The following TSHZ1 variants were observed in gnomAD, a reference collection of about 807,000 sequenced individuals.
The protein encoded by TSHZ1 is teashirt homolog 1.
Under a neutral mutation model 67.1 loss-of-function variants are expected in TSHZ1, and 12 were observed. That is an observed-to-expected ratio of 0.18 (90% CI 0.11 to 0.29). TSHZ1 has a LOEUF of 0.29. TSHZ1 is among the 10% of genes least tolerant of loss of function. TSHZ1 has a pLI of 1.00. For missense variants in TSHZ1, 1,305 were observed against 1,413.9 expected, an observed-to-expected ratio of 0.92 and a Z score of 1.23; for synonymous variants, 632 against 622.4, an observed-to-expected ratio of 1.02 and a Z score of -0.23.
At chr18:75,224,735 G>A (rs2022898254) in intron 1 of TSHZ1, among the ~76,000 whole-genome samples, 2 of 152,102 alleles carry the variant, frequency 1.3e-5, no homozygotes, top group South Asian at 4.1e-4. Context: ...CTTGCACACA[G>A]TATAGGATAC....
At chr18:75,273,907 C>T (rs1026954316) in intron 1 of TSHZ1, among the ~76,000 whole-genome samples, 3 of 152,144 alleles carry the variant, frequency 2.0e-5, no homozygotes, top group South Asian at 2.1e-4. Flanking sequence ...TTATTCACAC[C>T]CATGCACATA....
intron 1 of TSHZ1, among the ~76,000 whole-genome samples, chr18:75,218,813 C>G (rs532811293): frequency 1.1e-4 from 17 of 152,360 alleles, no homozygotes; most frequent in Non-Finnish European, 2.1e-4. Flanking sequence ...TTGGAACTTT[C>G]TTAGGGATGA....
chr18:75,276,489 C>G (rs947817109), intron 1 of TSHZ1, among the ~76,000 whole-genome samples: 16 of 152,144 alleles, frequency 1.1e-4, no homozygotes, highest in Non-Finnish European at 2.1e-4. Context: ...CCAGCGTATT[C>G]TAACTTTCAT....
At chr18:75,218,322 A>G (rs1379758797) in intron 1 of TSHZ1, among the ~76,000 whole-genome samples, 1 of 152,218 alleles carries the variant, frequency 6.6e-6, no homozygotes, top group Non-Finnish European at 1.5e-5. Flanking sequence ...CGTGTGAAAG[A>G]AATAACACTT....
Position 75,233,886 on chromosome 18 carries a change from T to C in TSHZ1, c.40+21970T>C, listed in dbSNP as rs1026384599. On this transcript the variant is annotated intron_variant, in intron 1 of 1. Transcript: ENST00000580243. ...CGGTTCACTGGGTGGGAAGACTGTC[T>C]TTATGCAGTGGTTTGGGAGGATTAA... 5.9e-5 allele frequency among the ~76,000 whole-genome samples: 9 copies of C among 152,188 alleles called. No individual in the cohort carries two copies. In the South Asian group the frequency reaches 6.2e-4, roughly 10 times the overall value.
chr18:75,244,004 T>C (rs532916069), intron 1 of TSHZ1, among the ~76,000 whole-genome samples: 1 of 152,292 alleles, frequency 6.6e-6, no homozygotes, highest in Non-Finnish European at 1.5e-5. Context: ...TTCTAATACA[T>C]AAAGCAATAT....
intron 1 of TSHZ1, among the ~76,000 whole-genome samples, chr18:75,256,166 CTTCT>C (rs1441630206): frequency 6.6e-6 from 1 of 152,170 alleles, no homozygotes; most frequent in Non-Finnish European, 1.5e-5. Context: ...AGGAGTATGA[CTTCT>C]TTAAGATGAA....
chr18:75,286,283 C>G lies in TSHZ1; in HGVS notation c.876C>G (p.Arg292=), dbSNP rs1309048119. ...AGAGGTGGTCCAAGCCCAGGAAGCG[C>G]TCCCTGATGGAGATGGAGGGGAAGG... ...KTKRWSKPRK[R]SLMEMEGKED... The change falls in exon 2 of 2, where the codon CGC becomes CGG. Residue 292 remains arginine, a synonymous_variant. Transcript: ENST00000580243. The surrounding 1 kb of genome is among the most constrained non-coding windows in gnomAD (Gnocchi z 5.1). The G allele has an allele frequency of 3.1e-6, 5 of 1,612,946 alleles. No homozygotes were observed. Among genetic ancestry groups the G allele is most frequent in the Non-Finnish European group, 4.2e-6 (5 of 1,179,060 alleles).
chr18:75,285,293 C>CT, intron 1 of TSHZ1, 155 bp from the exon 2 acceptor site: 1 of 864,554 alleles, frequency 1.2e-6, no homozygotes, highest in Non-Finnish European at 1.6e-6. Context: ...TGAAACCTAA[C>CT]TCCTGCAAAG....
intron 1 of TSHZ1, among the ~76,000 whole-genome samples, 195 bp downstream of exon 1, chr18:75,212,111 C>G (rs1174929606): frequency 6.6e-6 from 1 of 152,088 alleles, no homozygotes; most frequent in Non-Finnish European, 1.5e-5. Context: ...TGGGCCGGCG[C>G]GTGGAGCAGA....
chr18:75,278,944 C>G (rs1259943595), intron 1 of TSHZ1, among the ~76,000 whole-genome samples: 1 of 152,182 alleles, frequency 6.6e-6, no homozygotes, highest in African/African-American at 2.4e-5. Flanking sequence ...CTGCCCACCT[C>G]CGTCTGTGGG....
rs556741389 is a variant in TSHZ1 at position 75,249,259 on chromosome 18, C to T, written c.41-36189C>T. On this transcript the variant is annotated intron_variant, in intron 1 of 1. Transcript: ENST00000580243. ...CTCTGGTGGAGACCCCGGAGCCACA[C>T]GGGTTGAGAGCCCTGGGTGCCTCGC... Among the ~76,000 whole-genome samples the T allele has an allele frequency of 8.1e-4, 124 of 152,278 alleles. No individual in the cohort carries two copies. In the Middle Eastern group the frequency reaches 0.014, roughly 17 times the overall value.
rs149222691 is a variant in TSHZ1 at position 75,268,253 on chromosome 18, G to A, written c.41-17195G>A. On this transcript the variant is annotated intron_variant, in intron 1 of 1. Coordinates refer to ENST00000580243, the MANE Select transcript of TSHZ1 (RefSeq NM_001308210.2). ...AGTTGCAGCACTGATGCCTGCAGTC[G>A]CTGCTCCAGAAAGATTGCTGTATTT... Among the ~76,000 whole-genome samples, 913 of 152,282 alleles carry A rather than the reference G, an allele frequency of 6.0e-3. 6 individuals are homozygous for A. The highest frequency in any genetic ancestry group is 0.024 in the Middle Eastern group (7 of 294).
intron 1 of TSHZ1, among the ~76,000 whole-genome samples, chr18:75,223,660 C>T (rs573846058): frequency 6.6e-5 from 10 of 152,026 alleles, no homozygotes; most frequent in East Asian, 5.8e-4. Context: ...CTCCCTACCC[C>T]GCCTCTCTTG....
In TSHZ1 at chr18:75,237,969, T is replaced by C. The variant is rs1048120657; in HGVS notation, c.40+26053T>C. On this transcript the variant is annotated intron_variant, in intron 1 of 1. Transcript: ENST00000580243. ...CTGGGATTACAGGCCTGTGCCACCATGCCCGGCTAATTTTGTATTTTTAGT... is the reference window on the plus strand; with the variant it reads ...CTGGGATTACAGGCCTGTGCCACCACGCCCGGCTAATTTTGTATTTTTAGT... Among the ~76,000 whole-genome samples the C allele has an allele frequency of 1.5e-3, 221 of 152,176 alleles. 1 individual carries two copies. The highest frequency in any genetic ancestry group is 3.7e-3 in the African/African-American group (154 of 41,534).
chr18:75,257,976 C>T (rs1054807075), intron 1 of TSHZ1, among the ~76,000 whole-genome samples: 3 of 152,178 alleles, frequency 2.0e-5, no homozygotes, highest in East Asian at 1.9e-4. Flanking sequence ...TCAGAGGGGG[C>T]ATCTGGACTC....
At chr18:75,250,885 A>C (rs2023294567) in intron 1 of TSHZ1, among the ~76,000 whole-genome samples, 1 of 152,144 alleles carries the variant, frequency 6.6e-6, no homozygotes, top group South Asian at 2.1e-4. Context: ...CAGCCGACGA[A>C]GGGTGGTCTG....
chr18:75,233,013 A>C (rs1441381463), intron 1 of TSHZ1, among the ~76,000 whole-genome samples: 1 of 152,228 alleles, frequency 6.6e-6, no homozygotes, highest in Non-Finnish European at 1.5e-5. Context: ...CCCATTTCAC[A>C]GGATGCCTGT....
Position 75,219,429 on chromosome 18 carries a change from C to T in TSHZ1, c.40+7513C>T, listed in dbSNP as rs574552297. Among the ~76,000 whole-genome samples, 7 of 152,210 alleles carry T rather than the reference C, an allele frequency of 4.6e-5. No individual in the cohort carries two copies. The South Asian group carries it at 1.0e-3, about 23-fold the overall frequency. On this transcript the variant is annotated intron_variant, in intron 1 of 1. Coordinates refer to ENST00000580243, the MANE Select transcript of TSHZ1 (RefSeq NM_001308210.2). Reference sequence around the variant, plus strand: ...TTTTTGGGACAGCAGTTTGCAGGAGCGATAACACTCCTGGAATTGTAGACA... The same window carrying T: ...TTTTTGGGACAGCAGTTTGCAGGAGTGATAACACTCCTGGAATTGTAGACA...
Sources: allele counts gnomAD v4.1 joint callset (sites outside exome capture counted in the v4.1 genomes callset), GRCh38; gene constraint gnomAD v4.1.1; non-coding constraint Gnocchi (gnomAD v3.1); transcripts MANE v1.5; gene names NCBI Gene and HGNC (gene_info 2026-07-23, HGNC 2026-07-21).